Variants in PPME1 observed in about 807,000 individuals in gnomAD.
PPME1 encodes testicular secretory protein Li 39.
PPME1 carries 17 observed loss-of-function variants against 56.9 expected under a neutral mutation model. The observed-to-expected ratio is 0.30, with a 90% confidence interval of 0.20 to 0.45. The LOEUF is 0.45. PPME1 is among the 20% of genes least tolerant of loss of function. The pLI is 1.00. For missense variants in PPME1, 357 were observed against 483.2 expected (o/e 0.74, Z 2.45); for synonymous variants, 122 against 156.2 (o/e 0.78, Z 1.63).
chr11:74,236,604 C>T (rs941329322), intron 8 of PPME1, among the ~76,000 whole-genome samples: 1 of 152,136 alleles, frequency 6.6e-6, no homozygotes, highest in Non-Finnish European at 1.5e-5. Flanking sequence ...ATTTTTAAAA[C>T]CTTATATTAT....
At chr11:74,238,591 A>G (rs1361979039) in intron 8 of PPME1, 1 of 152,254 alleles carries the variant, frequency 6.6e-6, no homozygotes, top group Non-Finnish European at 1.5e-5. Context: ...GAATATAATA[A>G]AAAGAGATGC....
At chr11:74,174,289 G>C (rs77463147) in intron 1 of PPME1, among the ~76,000 whole-genome samples, 3,997 of 152,262 alleles carry the variant, frequency 0.026, 174 homozygotes, top group African/African-American at 0.09. Flanking sequence ...TCTCTTGACT[G>C]TGAGACCCAT....
intron 3 of PPME1, among the ~76,000 whole-genome samples, chr11:74,222,110 T>A (rs977796937): frequency 2.0e-5 from 3 of 152,162 alleles, no homozygotes; most frequent in African/African-American, 7.2e-5. Flanking sequence ...AAGCCATATT[T>A]TGAAGTTGGG....
At chr11:74,175,796 A>G (rs1158271817) in intron 1 of PPME1, among the ~76,000 whole-genome samples, 1 of 152,194 alleles carries the variant, frequency 6.6e-6, no homozygotes, top group African/African-American at 2.4e-5. Flanking sequence ...GCAGGAGTTA[A>G]TATTTTCTTT....
At chr11:74,193,759 T>C (rs1196454467) in intron 1 of PPME1, among the ~76,000 whole-genome samples, 1 of 152,248 alleles carries the variant, frequency 6.6e-6, no homozygotes, top group East Asian at 1.9e-4. Context: ...GTGTCTAATA[T>C]GTTAAACTTG....
chr11:74,190,269 C>T (rs779329487), intron 1 of PPME1, among the ~76,000 whole-genome samples: 63 of 152,130 alleles, frequency 4.1e-4, no homozygotes, highest in African/African-American at 2.4e-4. Flanking sequence ...GGAGGTAGGG[C>T]CCAGTGGAAA....
rs879877675 is a variant in PPME1, at chr11:74,175,501, CA to C, written c.101+3991del. On this transcript the variant is annotated intron_variant, in intron 1 of 13. Coordinates refer to ENST00000328257, the MANE Select transcript of PPME1 (RefSeq NM_016147.3). ...GGGCAACAAGAGCGAAACTCCATCT[CA>C]AAAAAAAAAAAGTTCTACTTTTCTA... Among the ~76,000 whole-genome samples the C allele has an allele frequency of 7.4e-4, 105 of 142,138 alleles. 1 individual carries two copies. Among genetic ancestry groups the C allele is most frequent in the Middle Eastern group, 3.6e-3 (1 of 280 alleles). The allele number at this position is 142,138 out of a possible 152,430, so 93.2% of individuals were successfully genotyped here.
intron 5 of PPME1, among the ~76,000 whole-genome samples, chr11:74,225,638 C>G (rs184325832): frequency 5.3e-4 from 80 of 152,208 alleles, no homozygotes; most frequent in African/African-American, 1.8e-3. Context: ...TTCAGGTATC[C>G]TGCGTACATT....
chr11:74,219,444 C>A (rs954844195), intron 3 of PPME1, among the ~76,000 whole-genome samples: 6 of 152,050 alleles, frequency 3.9e-5, no homozygotes, highest in Admixed American at 3.3e-4. Context: ...TATTACACTC[C>A]CATGTTTATT....
At chr11:74,179,137 G>A (rs1857469337) in intron 1 of PPME1, among the ~76,000 whole-genome samples, 1 of 152,156 alleles carries the variant, frequency 6.6e-6, no homozygotes, top group Admixed American at 6.5e-5. Flanking sequence ...ATGCTTCTGT[G>A]TGTGTTTTTG....
At chr11:74,234,021 A>G (rs1443119599) in intron 7 of PPME1, among the ~76,000 whole-genome samples, 2 of 152,200 alleles carry the variant, frequency 1.3e-5, no homozygotes, top group African/African-American at 2.4e-5. Flanking sequence ...CAACAGAGGA[A>G]GAGAGTCATT....
At chr11:74,179,181 C>G (rs1205818589) in intron 1 of PPME1, among the ~76,000 whole-genome samples, 1 of 152,152 alleles carries the variant, frequency 6.6e-6, no homozygotes, top group East Asian at 1.9e-4. Flanking sequence ...AGTAGACATC[C>G]TCTCTCTGCC....
intron 7 of PPME1, among the ~76,000 whole-genome samples, chr11:74,232,074 C>T (rs1475911754): frequency 6.6e-6 from 1 of 152,212 alleles, no homozygotes; most frequent in African/African-American, 2.4e-5. Flanking sequence ...CCAGTCTCTT[C>T]TTCAGAACAT....
Position 74,250,852 on chromosome 11 carries a change from G to T in PPME1, c.1010-102G>T, listed in dbSNP as rs1859639531. On this transcript the variant is annotated intron_variant, in intron 11 of 13. Coordinates refer to ENST00000328257, the MANE Select transcript of PPME1 (RefSeq NM_016147.3). The stretch of plus-strand genomic sequence containing the variant: ...GGTCCAGAGTATTGAGGTGAGGTTG[G>T]AAATGGGGAGGTAGGTCCTGGGCTC... 4 of 961,588 alleles carry T rather than the reference G, an allele frequency of 4.2e-6. No individual in the cohort carries two copies. In the Admixed American group the frequency reaches 6.1e-5, roughly 15 times the overall value. The allele number at this position is 961,588 out of a possible 1,614,324, so 59.6% of individuals were successfully genotyped here.
intron 3 of PPME1, 65 bp from the exon 4 acceptor site, chr11:74,222,247 C>A: frequency 8.1e-7 from 1 of 1,240,500 alleles, no homozygotes; most frequent in Non-Finnish European, 1.2e-6. Context: ...ACAAAGTTAT[C>A]ATTGGGAATT....
chr11:74,174,116 G>C (rs999249603), intron 1 of PPME1, among the ~76,000 whole-genome samples: 24 of 149,478 alleles, frequency 1.6e-4, no homozygotes, highest in African/African-American at 6.2e-4. Context: ...AGAAAGCATA[G>C]ACATGGTCTC....
intron 3 of PPME1, among the ~76,000 whole-genome samples, chr11:74,218,764 G>C (rs186077069): frequency 6.6e-6 from 1 of 152,022 alleles, no homozygotes; most frequent in East Asian, 1.9e-4. Flanking sequence ...ATGAATTAAA[G>C]ACTCAAACTA....
At chr11:74,246,497 T>C (rs2135678477) in intron 10 of PPME1, among the ~76,000 whole-genome samples, 1 of 152,292 alleles carries the variant, frequency 6.6e-6, no homozygotes, top group South Asian at 2.1e-4. Context: ...CCTCATGACC[T>C]GAGGTTACGT....
At chr11:74,204,776 C>A in intron 3 of PPME1, 1 of 180,798 alleles carries the variant, frequency 5.5e-6, no homozygotes, top group Non-Finnish European at 1.2e-5. Flanking sequence ...TGGAAGCTGG[C>A]AAGTTCTGAT....
Sources: gnomAD v4.1 joint callset for allele counts (sites outside exome capture counted in the v4.1 genomes callset) on GRCh38, gnomAD v4.1.1 for gene constraint, MANE v1.5 for transcripts, NCBI Gene and HGNC (gene_info 2026-07-23, HGNC 2026-07-21) for gene names.